FAT3: variants seen among roughly 807,000 people sequenced by gnomAD.
FAT3 encodes FAT atypical cadherin 3, also known as protocadherin Fat 3.
A neutral mutation model predicts 310.2 loss-of-function variants in FAT3; 95 were observed. The ratio of observed to expected loss-of-function variants is 0.31; its 90% CI spans 0.26 to 0.36. The LOEUF is 0.36. FAT3 is among the 10% of genes least tolerant of loss of function. FAT3 has a pLI of 1.00. For synonymous variants in FAT3, 2,314 were observed against 2,192.9 expected (o/e 1.06, Z -1.54); for missense variants, 5,408 against 5,715.6 (o/e 0.95, Z 1.74).
intron 18 of FAT3, among the ~76,000 whole-genome samples, chr11:92,841,329 A>G (rs563107023): frequency 7.9e-5 from 12 of 152,198 alleles, no homozygotes; most frequent in Non-Finnish European, 1.6e-4. Context: ...GATTTCTGCA[A>G]ATACCAAGAT....
intron 4 of FAT3, among the ~76,000 whole-genome samples, chr11:92,721,214 A>T (rs1168821913): frequency 6.6e-6 from 1 of 152,220 alleles, no homozygotes; most frequent in Non-Finnish European, 1.5e-5. Context: ...ATAATGCAAG[A>T]AATAGGTTAT....
intron 2 of FAT3, among the ~76,000 whole-genome samples, chr11:92,476,925 C>T (rs1430803056): frequency 6.6e-6 from 1 of 152,198 alleles, no homozygotes; most frequent in Non-Finnish European, 1.5e-5. Flanking sequence ...TCCACCATGA[C>T]CACCACGTGA....
At chr11:92,759,178 T>G (rs1422624256) in intron 4 of FAT3, among the ~76,000 whole-genome samples, 1 of 152,144 alleles carries the variant, frequency 6.6e-6, no homozygotes, top group Non-Finnish European at 1.5e-5. Context: ...CCTTGAACCA[T>G]CTCAGAAGGT....
At chr11:92,601,793 A>T (rs1265797064) in intron 3 of FAT3, among the ~76,000 whole-genome samples, 1 of 152,140 alleles carries the variant, frequency 6.6e-6, no homozygotes, top group African/African-American at 2.4e-5. Context: ...ACCAGAGTTT[A>T]GGGTTGAAAT....
Position 92,894,724 on chromosome 11 carries a change from A to T in FAT3, c.*3611A>T, listed in dbSNP as rs1949989548. The T allele has an allele frequency of 6.6e-6, 1 of 152,306 alleles. No individual in the cohort carries two copies. Among genetic ancestry groups the T allele is most frequent in the Non-Finnish European group, 1.5e-5 (1 of 68,026 alleles). 9.4% of individuals were successfully genotyped at this position (152,306 alleles called of 1,614,324 possible). Reference sequence around the variant, plus strand: ...CTTTCCATGTACCCTTGGCCTGCCTATTCATGAAATGCCATATAAAAGACT... The same window carrying T: ...CTTTCCATGTACCCTTGGCCTGCCTTTTCATGAAATGCCATATAAAAGACT... On this transcript the variant is annotated 3_prime_UTR_variant, in exon 28 of 28. Transcript: ENST00000525166.
intron 2 of FAT3, among the ~76,000 whole-genome samples, chr11:92,432,124 C>T (rs1430475441): frequency 1.3e-5 from 2 of 152,142 alleles, no homozygotes; most frequent in Admixed American, 1.3e-4. Flanking sequence ...TTCTTCCTAC[C>T]CATGAGCATG....
intron 3 of FAT3, among the ~76,000 whole-genome samples, chr11:92,551,414 T>TTTTGTGTGTGTGTGTG (rs139398937): frequency 1.2e-4 from 16 of 128,968 alleles, no homozygotes; most frequent in African/African-American, 4.3e-4. Flanking sequence ...TTTTTTTGTT[T>TTTTGTGTGTGTGTGTG]TGTGTGTGTG....
chr11:92,547,244 C>T (rs1233776662), intron 3 of FAT3, among the ~76,000 whole-genome samples: 1 of 152,176 alleles, frequency 6.6e-6, no homozygotes, highest in Non-Finnish European at 1.5e-5. Flanking sequence ...AGATGATTGA[C>T]TCTGGAAGGT....
intron 4 of FAT3, among the ~76,000 whole-genome samples, chr11:92,719,237 C>T (rs902614250): frequency 6.6e-6 from 1 of 152,170 alleles, no homozygotes; most frequent in East Asian, 1.9e-4. Flanking sequence ...GCATTTCCTC[C>T]TCTATTAGAT....
At chr11:92,693,903 A>C (rs555253341) in intron 3 of FAT3, among the ~76,000 whole-genome samples, 2 of 152,128 alleles carry the variant, frequency 1.3e-5, no homozygotes, top group African/African-American at 4.8e-5. Flanking sequence ...ACCCTTCTTC[A>C]TGCCTGAGGC....
intron 1 of FAT3, among the ~76,000 whole-genome samples, chr11:92,337,116 A>G (rs1338136489): frequency 6.6e-6 from 1 of 152,196 alleles, no homozygotes; most frequent in East Asian, 1.9e-4. Flanking sequence ...TAGCTTAGAT[A>G]ACATAGCAAT....
chr11:92,780,831 C>A (rs1946727143), intron 7 of FAT3, among the ~76,000 whole-genome samples: 1 of 152,074 alleles, frequency 6.6e-6, no homozygotes, highest in South Asian at 2.1e-4. Flanking sequence ...TAACTTCAAC[C>A]CACTGAGCTT....
intron 19 of FAT3, among the ~76,000 whole-genome samples, chr11:92,856,115 G>T (rs1948973670): frequency 6.6e-6 from 1 of 151,680 alleles, no homozygotes; most frequent in East Asian, 1.9e-4. Context: ...TGAAGTGCTG[G>T]GATTACAGGC....
At chr11:92,386,008 C>T (rs569378125) in intron 2 of FAT3, among the ~76,000 whole-genome samples, 23 of 152,104 alleles carry the variant, frequency 1.5e-4, no homozygotes, top group African/African-American at 5.1e-4. Context: ...ATTAGCTAGG[C>T]ATGGTGGTAT....
At chr11:92,341,257 T>C (rs1464649008) in intron 1 of FAT3, among the ~76,000 whole-genome samples, 3 of 152,226 alleles carry the variant, frequency 2.0e-5, no homozygotes, top group Non-Finnish European at 4.4e-5. Context: ...AGGATCCCAC[T>C]GACTCAGGAT....
intron 13 of FAT3, among the ~76,000 whole-genome samples, chr11:92,820,810 G>T (rs1381076021): frequency 6.6e-6 from 1 of 152,200 alleles, no homozygotes; most frequent in South Asian, 2.1e-4. Flanking sequence ...GGGCAATTTA[G>T]CATGGAACAA....
intron 2 of FAT3, among the ~76,000 whole-genome samples, chr11:92,518,312 C>T (rs1480197286): frequency 1.3e-5 from 2 of 152,126 alleles, no homozygotes; most frequent in African/African-American, 2.4e-5. Context: ...GACACATATA[C>T]ACCATGGAAT....
intron 1 of FAT3, among the ~76,000 whole-genome samples, chr11:92,337,885 C>T (rs947119244): frequency 2.0e-5 from 3 of 152,264 alleles, no homozygotes; most frequent in Non-Finnish European, 2.9e-5. Context: ...TTGAAAAGCA[C>T]GTTTCTGGGC....
intron 3 of FAT3, among the ~76,000 whole-genome samples, chr11:92,605,300 A>T (rs1050542029): frequency 1.3e-5 from 2 of 152,232 alleles, no homozygotes; most frequent in Non-Finnish European, 2.9e-5. Context: ...CACATGTGTC[A>T]GAGGAGGCCA....
Sources: allele counts gnomAD v4.1 joint callset (sites outside exome capture counted in the v4.1 genomes callset), GRCh38; gene constraint gnomAD v4.1.1; transcripts MANE v1.5; gene names NCBI Gene and HGNC (gene_info 2026-07-23, HGNC 2026-07-21).